The following RORA variants were observed in gnomAD, a reference collection of about 807,000 sequenced individuals.
RORA encodes the protein RAR related orphan receptor A.
In RORA, 7 loss-of-function variants were observed where a neutral mutation model predicts 69.5. The observed-to-expected ratio is 0.10, with a 90% CI of 0.06 to 0.19. RORA has a LOEUF of 0.19. Ranked by LOEUF, RORA falls within the 10% of genes least tolerant of loss-of-function variation. The pLI is 1.00. For missense variants in RORA, 457 were observed against 663.0 expected (o/e 0.69, Z 3.41); for synonymous variants, 261 against 240.8 (o/e 1.08, Z -0.78).
chr15:60,563,805 T>C (rs912771520), intron 2 of RORA, among the ~76,000 whole-genome samples: 5 of 152,112 alleles, frequency 3.3e-5, no homozygotes, highest in African/African-American at 1.2e-4. Context: ...GGTTCATTCT[T>C]GGTGGTCATT....
intron 1 of RORA, among the ~76,000 whole-genome samples, chr15:61,081,532 G>C (rs2078539946): frequency 6.6e-6 from 1 of 152,260 alleles, no homozygotes; most frequent in Non-Finnish European, 1.5e-5. Flanking sequence ...GTGGGGCCAG[G>C]CATGGTGGCT....
At position 60,535,904 on chromosome 15, in the gene RORA, C is replaced by A. The variant is rs117930259; in HGVS notation, c.197-4053G>T. 8.2e-3 allele frequency among the ~76,000 whole-genome samples: 1,255 copies of A among 152,258 alleles called. 7 individuals carry two copies. The highest frequency in any genetic ancestry group is 0.027 in the Middle Eastern group (8 of 294). On this transcript the variant is annotated intron_variant, in intron 2 of 10. Coordinates refer to ENST00000335670, the MANE Select transcript of RORA (RefSeq NM_134261.3). ...TTACTGTCATCATTGTCATCATCAT[C>A]ATTGCACTCTTATTAAGCAATCACT...
intron 1 of RORA, among the ~76,000 whole-genome samples, chr15:61,040,083 A>G (rs1279635851): frequency 7.3e-6 from 1 of 137,064 alleles, no homozygotes; most frequent in Admixed American, 7.3e-5. Flanking sequence ...TTACAAGAAC[A>G]TAATTCTAAT....
chr15:61,054,906 G>A (rs947854605), intron 1 of RORA, among the ~76,000 whole-genome samples: 4 of 150,780 alleles, frequency 2.7e-5, no homozygotes, highest in Non-Finnish European at 4.4e-5. Context: ...GTGAGATCAC[G>A]GCTCCGTGTA....
intron 1 of RORA, among the ~76,000 whole-genome samples, chr15:60,939,497 A>G (rs981602442): frequency 1.3e-5 from 2 of 152,148 alleles, no homozygotes; most frequent in Admixed American, 1.3e-4. Context: ...GTGATAATCA[A>G]TCCAGTTGCC....
chr15:61,176,339 T>C (rs183552169), intron 1 of RORA: 5 of 152,240 alleles, frequency 3.3e-5, no homozygotes, highest in Admixed American at 2.0e-4. Flanking sequence ...TTTAGTCTCC[T>C]GTGGATCAAA....
intron 1 of RORA, among the ~76,000 whole-genome samples, chr15:60,828,973 A>G (rs1423704768): frequency 3.3e-5 from 5 of 152,186 alleles, no homozygotes; most frequent in African/African-American, 7.2e-5. Context: ...AAATCCTGCA[A>G]AGAAGACATC....
intron 1 of RORA, among the ~76,000 whole-genome samples, chr15:61,183,385 A>G (rs921346110): frequency 6.6e-6 from 1 of 152,178 alleles, no homozygotes; most frequent in African/African-American, 2.4e-5. Flanking sequence ...AAATACAAAA[A>G]TTAGCTGGGT....
chr15:60,910,727 C>G (rs544347401), intron 1 of RORA, among the ~76,000 whole-genome samples: 1 of 152,294 alleles, frequency 6.6e-6, no homozygotes, highest in East Asian at 1.9e-4. Context: ...CATGGCTTCT[C>G]TCTTGATACA....
At chr15:60,575,946 T>A (rs147906107) in intron 2 of RORA, among the ~76,000 whole-genome samples, 1 of 152,362 alleles carries the variant, frequency 6.6e-6, no homozygotes, top group African/African-American at 2.4e-5. Context: ...TCTCACCCTT[T>A]AAACGGCCAG....
intron 1 of RORA, among the ~76,000 whole-genome samples, chr15:61,091,823 GA>G (rs2078712122): frequency 6.6e-6 from 1 of 152,180 alleles, no homozygotes; most frequent in African/African-American, 2.4e-5. Flanking sequence ...ATAGGCAAGG[GA>G]AAAGATAAAG....
At chr15:60,671,503 G>A (rs949522894) in intron 2 of RORA, among the ~76,000 whole-genome samples, 12 of 152,020 alleles carry the variant, frequency 7.9e-5, no homozygotes, top group African/African-American at 2.4e-4. Context: ...TTGGCTAGGC[G>A]CAGTGGCTCA....
At chr15:60,912,082 T>C (rs17237486) in intron 1 of RORA, among the ~76,000 whole-genome samples, 28,797 of 151,908 alleles carry the variant, frequency 0.19, 3,436 homozygotes, top group East Asian at 0.61. Context: ...CTCCTCAGTT[T>C]GTCCAATATT....
At chr15:61,154,021 G>C (rs141862759) in intron 1 of RORA, among the ~76,000 whole-genome samples, 15 of 152,254 alleles carry the variant, frequency 9.9e-5, no homozygotes, top group Non-Finnish European at 1.9e-4. Flanking sequence ...CTTGATTAGT[G>C]AATCTCAAAC....
chr15:60,714,587 A>G (rs918909648), intron 1 of RORA, among the ~76,000 whole-genome samples: 5 of 150,438 alleles, frequency 3.3e-5, no homozygotes, highest in African/African-American at 1.2e-4. Context: ...CTGGTCTCGA[A>G]CTCCTGACCT....
intron 1 of RORA, among the ~76,000 whole-genome samples, chr15:61,173,767 C>T (rs141860620): frequency 6.6e-6 from 1 of 152,312 alleles, no homozygotes; most frequent in African/African-American, 2.4e-5. Flanking sequence ...GAGATCCTCA[C>T]ACCTCAGCCT....
intron 1 of RORA, among the ~76,000 whole-genome samples, chr15:61,059,583 C>T (rs991645871): frequency 6.6e-6 from 1 of 152,100 alleles, no homozygotes; most frequent in Non-Finnish European, 1.5e-5. Context: ...CTTTGAGATA[C>T]GTTATTGCCA....
In RORA at chr15:61,181,907, A is replaced by G. The variant is rs572613664; in HGVS notation, c.166+47146T>C. ...TCTTGTGAAAAGCTACAGAGAGGAA[A>G]GGTCTTGAACATAAAGAGCTTGTCC... On this transcript the variant is annotated intron_variant, in intron 1 of 10. Transcript: ENST00000335670. Among the ~76,000 whole-genome samples the G allele has an allele frequency of 2.6e-5, 4 of 152,320 alleles. No homozygotes were observed. The East Asian group carries it at 7.7e-4, about 29-fold the overall frequency.
intron 1 of RORA, among the ~76,000 whole-genome samples, chr15:61,174,708 C>A (rs1450081821): frequency 6.6e-6 from 1 of 152,162 alleles, no homozygotes; most frequent in Non-Finnish European, 1.5e-5. Flanking sequence ...CCAGTGTAAA[C>A]CTCAGCCATA....
Sources: gnomAD v4.1 joint callset for allele counts (sites outside exome capture counted in the v4.1 genomes callset) on GRCh38, gnomAD v4.1.1 for gene constraint, MANE v1.5 for transcripts, NCBI Gene and HGNC (gene_info 2026-07-23, HGNC 2026-07-21) for gene names.